The following GALNT13 variants were observed in gnomAD, a reference collection of about 807,000 sequenced individuals.
GALNT13 encodes UDP-GalNAc:polypeptide N-acetylgalactosaminyltransferase 13.
In GALNT13, 28 loss-of-function variants were observed where a neutral mutation model predicts 64.2. The ratio of observed to expected loss-of-function variants is 0.44; its 90% CI spans 0.32 to 0.60. The LOEUF is 0.60. Among genes scored for constraint, GALNT13 ranks in the 20% least tolerant of loss-of-function variants. The pLI is 0.05. For missense variants in GALNT13, 577 were observed against 669.8 expected, an observed-to-expected ratio of 0.86 and a Z score of 1.53; for synonymous variants, 214 against 224.6, an observed-to-expected ratio of 0.95 and a Z score of 0.42.
At chr2:153,355,970 T>C in the GALNT13 span, among the ~76,000 whole-genome samples, 2 of 152,232 alleles carry the variant, frequency 1.3e-5, no homozygotes, top group African/African-American at 2.4e-5. Context: ...GGAGTTAAGA[T>C]ACCTGGCTTT....
the GALNT13 span, among the ~76,000 whole-genome samples, chr2:153,693,107 A>G: frequency 1.3e-5 from 2 of 152,316 alleles, no homozygotes; most frequent in African/African-American, 4.8e-5. Context: ...CATCCCAGAG[A>G]AAGAAAAGAC....
At chr2:153,395,533 G>A in the GALNT13 span, among the ~76,000 whole-genome samples, 2 of 152,022 alleles carry the variant, frequency 1.3e-5, no homozygotes, top group African/African-American at 2.4e-5. Context: ...CACTCTTGTA[G>A]CATTTTCCTT....
chr2:154,242,973 T>A, intron 6 of GALNT13, 68 bp downstream of exon 6: 1 of 1,238,588 alleles, frequency 8.1e-7, no homozygotes, highest in Non-Finnish European at 1.1e-6. Flanking sequence ...CAGATGTCCA[T>A]CAGAATTTCT....
At chr2:153,078,936 T>A in the GALNT13 span, among the ~76,000 whole-genome samples, 1 of 152,194 alleles carries the variant, frequency 6.6e-6, no homozygotes, top group Admixed American at 6.5e-5. Flanking sequence ...TGTATTTTTA[T>A]GTGTTGTTGT....
At chr2:153,460,889 G>A in the GALNT13 span, among the ~76,000 whole-genome samples, 2 of 152,048 alleles carry the variant, frequency 1.3e-5, no homozygotes, top group Non-Finnish European at 2.9e-5. Flanking sequence ...AATTACACTT[G>A]AAGAATTTCC....
At chr2:154,352,959 G>A (rs1696495504) in intron 9 of GALNT13, among the ~76,000 whole-genome samples, 1 of 152,192 alleles carries the variant, frequency 6.6e-6, no homozygotes, top group Admixed American at 6.5e-5. Flanking sequence ...GGCAGCTGGA[G>A]TCTAGCTTTG....
At chr2:153,258,550 T>G in the GALNT13 span, among the ~76,000 whole-genome samples, 2 of 152,236 alleles carry the variant, frequency 1.3e-5, no homozygotes, top group African/African-American at 4.8e-5. Flanking sequence ...ATCATTAGGT[T>G]GTTTATTCGA....
At chr2:153,720,783 C>A in the GALNT13 span, among the ~76,000 whole-genome samples, 11 of 147,992 alleles carry the variant, frequency 7.4e-5, no homozygotes, top group Middle Eastern at 3.2e-3. Flanking sequence ...AAGAAATGAG[C>A]AAAGCCTCCA....
chr2:154,079,136 A>T (rs1701140788), intron 3 of GALNT13, among the ~76,000 whole-genome samples: 1 of 151,690 alleles, frequency 6.6e-6, no homozygotes, highest in Non-Finnish European at 1.5e-5. Context: ...ATATGGAGGG[A>T]TACAGAAGAA....
chr2:154,083,398 C>G (rs1040208758), intron 3 of GALNT13, among the ~76,000 whole-genome samples: 25 of 151,842 alleles, frequency 1.6e-4, no homozygotes, highest in African/African-American at 5.8e-4. Flanking sequence ...TGTATGGGCT[C>G]TTTTTTGGTG....
At chr2:153,583,903 C>A in the GALNT13 span, among the ~76,000 whole-genome samples, 1 of 152,198 alleles carries the variant, frequency 6.6e-6, no homozygotes, top group East Asian at 1.9e-4. Context: ...AACCAAGCAC[C>A]CACTTCCTCT....
intron 9 of GALNT13, among the ~76,000 whole-genome samples, chr2:154,355,002 A>G (rs1009419474): frequency 2.0e-5 from 3 of 152,076 alleles, no homozygotes; most frequent in Non-Finnish European, 4.4e-5. Flanking sequence ...CAGAAATTAG[A>G]TTCAGTTGGA....
the GALNT13 span, among the ~76,000 whole-genome samples, chr2:153,135,405 G>A: frequency 1.3e-5 from 2 of 152,086 alleles, no homozygotes; most frequent in East Asian, 1.9e-4. Flanking sequence ...ATGGAAGTCT[G>A]CTTTTCCTTG....
At chr2:154,427,997 CTT>C (rs1020300424) in intron 11 of GALNT13, among the ~76,000 whole-genome samples, 34 of 152,236 alleles carry the variant, frequency 2.2e-4, no homozygotes, top group African/African-American at 7.7e-4. Flanking sequence ...ACAGTTATCT[CTT>C]TGATTTCAAT....
chr2:154,351,258 T>A (rs777090063), intron 9 of GALNT13, among the ~76,000 whole-genome samples: 6 of 152,182 alleles, frequency 3.9e-5, no homozygotes, highest in Non-Finnish European at 5.9e-5. Flanking sequence ...GATTTTATTA[T>A]GTTGAAGGAT....
intron 3 of GALNT13, among the ~76,000 whole-genome samples, chr2:154,108,399 A>G (rs554719285): frequency 1.3e-5 from 2 of 151,660 alleles, no homozygotes; most frequent in East Asian, 3.9e-4. Context: ...TGCTATTTTT[A>G]TTTCTTTTTT....
intron 8 of GALNT13, among the ~76,000 whole-genome samples, chr2:154,281,262 C>A (rs562697942): frequency 6.6e-6 from 1 of 152,286 alleles, no homozygotes; most frequent in South Asian, 2.1e-4. Context: ...TAATATCTGA[C>A]AGATGGCCTT....
chr2:153,831,331 T>C, the GALNT13 span, among the ~76,000 whole-genome samples: 1 of 152,158 alleles, frequency 6.6e-6, no homozygotes, highest in Non-Finnish European at 1.5e-5. Flanking sequence ...TTTCCTTTAA[T>C]AGTGTCTCTG....
chr2:153,709,799 A>T, the GALNT13 span, among the ~76,000 whole-genome samples: 1 of 152,082 alleles, frequency 6.6e-6, no homozygotes, highest in Non-Finnish European at 1.5e-5. Flanking sequence ...GTAATGAAAT[A>T]ATATTCAGCC....
Sources: allele counts gnomAD v4.1 joint callset (sites outside exome capture counted in the v4.1 genomes callset), GRCh38; gene constraint gnomAD v4.1.1; transcripts MANE v1.5; gene names NCBI Gene and HGNC (gene_info 2026-07-23, HGNC 2026-07-21).